The following ITPR1 variants were observed in gnomAD, a reference collection of about 807,000 sequenced individuals.
ITPR1 encodes inositol 1,4,5-trisphosphate receptor type 1.
ITPR1 carries 96 observed loss-of-function variants against 318.4 expected under a neutral mutation model. The observed-to-expected ratio is 0.30, with a 90% CI of 0.26 to 0.36. ITPR1 has a LOEUF of 0.36. ITPR1 is among the 10% of genes least tolerant of loss of function. The probability of loss-of-function intolerance (pLI) is 1.00; values close to 1 mark genes in which losing one functional copy is unlikely to be tolerated. For missense variants in ITPR1, 2,440 were observed against 3,460.2 expected (o/e 0.71, Z 7.40); for synonymous variants, 1,312 against 1,289.9 (o/e 1.02, Z -0.37).
intron 4 of ITPR1, among the ~76,000 whole-genome samples, chr3:4,552,164 C>CA (rs2085634355): frequency 6.6e-6 from 1 of 152,218 alleles, no homozygotes; most frequent in Non-Finnish European, 1.5e-5. Flanking sequence ...ATTTCTGTGA[C>CA]AAACGGGGTG....
intron 2 of ITPR1, among the ~76,000 whole-genome samples, chr3:4,507,918 G>T (rs1232134345): frequency 6.6e-6 from 1 of 152,198 alleles, no homozygotes; most frequent in Non-Finnish European, 1.5e-5. Context: ...ACTGTTTAAG[G>T]AGGTTAAATG....
At chr3:4,757,223 T>C (rs539407603) in intron 44 of ITPR1, among the ~76,000 whole-genome samples, 5 of 152,286 alleles carry the variant, frequency 3.3e-5, no homozygotes, top group African/African-American at 1.2e-4. Context: ...TTGATTGTAA[T>C]CATTGGTTTC....
chr3:4,607,902 G>A (rs942637065), intron 4 of ITPR1, among the ~76,000 whole-genome samples: 19 of 152,062 alleles, frequency 1.2e-4, no homozygotes, highest in African/African-American at 4.3e-4. Context: ...TGTGACTTCC[G>A]GAATAATGGC....
At chr3:4,727,580 G>C (rs1026658063) in intron 42 of ITPR1, among the ~76,000 whole-genome samples, 3 of 152,018 alleles carry the variant, frequency 2.0e-5, no homozygotes, top group Non-Finnish European at 4.4e-5. Flanking sequence ...TTTGTTATTT[G>C]GGGTGGTTTT....
At chr3:4,500,305 C>T (rs1223564094) in intron 2 of ITPR1, among the ~76,000 whole-genome samples, 1 of 152,128 alleles carries the variant, frequency 6.6e-6, no homozygotes, top group African/African-American at 2.4e-5. Flanking sequence ...GCTCAAGCTA[C>T]CCTCTCACCT....
chr3:4,505,610 A>G (rs1306366894), intron 2 of ITPR1, among the ~76,000 whole-genome samples: 4 of 152,252 alleles, frequency 2.6e-5, no homozygotes, highest in African/African-American at 7.2e-5. Flanking sequence ...GGATATGCCA[A>G]GAAAGAATGG....
chr3:4,665,175 G>T lies in ITPR1; in HGVS notation c.1592G>T (p.Gly531Val). Residue 531 changes from glycine (G) to valine (V), a missense_variant, in exon 17 of 62, where the codon GGT becomes GTT. Physicochemically the swap from Gly to Val is moderately radical, Grantham distance 109. Transcript: ENST00000649015. ...KLLQAPFTDC[G>V]DGPMLRLEEL... Reference sequence around the variant, plus strand: ...TTACAAGCCCCATTCACAGACTGCGGTGATGGCCCAATGCTTCGGCTGGAA... The same window carrying T: ...TTACAAGCCCCATTCACAGACTGCGTTGATGGCCCAATGCTTCGGCTGGAA... 6.2e-7 allele frequency: 1 copy of T among 1,614,038 alleles called. No homozygotes were observed. The highest frequency in any genetic ancestry group is 8.5e-7 in the Non-Finnish European group (1 of 1,179,880).
chr3:4,766,891 C>T (rs1490147224), intron 45 of ITPR1, among the ~76,000 whole-genome samples, 181 bp downstream of exon 45: 3 of 152,210 alleles, frequency 2.0e-5, no homozygotes, highest in Non-Finnish European at 2.9e-5. Flanking sequence ...CCCTGCTGCT[C>T]AGAAGGATCT....
intron 53 of ITPR1, among the ~76,000 whole-genome samples, chr3:4,796,786 C>T (rs895458502): frequency 2.0e-5 from 3 of 152,206 alleles, no homozygotes; most frequent in African/African-American, 7.2e-5. Context: ...TGCCAAGCCA[C>T]TCTGGGCAAG....
At chr3:4,712,894 C>T (rs139527540) in intron 39 of ITPR1, among the ~76,000 whole-genome samples, 18 of 152,328 alleles carry the variant, frequency 1.2e-4, no homozygotes, top group Middle Eastern at 3.4e-3. Flanking sequence ...ATGTCCATTA[C>T]ATTTTTTAGA....
chr3:4,694,344 G>A (rs571465004), intron 33 of ITPR1, among the ~76,000 whole-genome samples: 381 of 141,768 alleles, frequency 2.7e-3, no homozygotes, highest in Middle Eastern at 0.011. Context: ...GATATATAAA[G>A]TATATTATAA....
At chr3:4,741,172 A>T (rs541575117) in intron 44 of ITPR1, among the ~76,000 whole-genome samples, 3 of 152,254 alleles carry the variant, frequency 2.0e-5, no homozygotes, top group South Asian at 4.1e-4. Context: ...TGGAATGAAG[A>T]GGAGGACAGG....
chr3:4,782,769 A>T, intron 50 of ITPR1, 28 bp downstream of exon 50: 5 of 1,434,162 alleles, frequency 3.5e-6, no homozygotes, highest in Non-Finnish European at 4.6e-6. Context: ...CCTCCTCTGG[A>T]TGCTGCCTCC....
chr3:4,527,499 G>A (rs576783268), intron 4 of ITPR1, among the ~76,000 whole-genome samples: 9 of 152,234 alleles, frequency 5.9e-5, no homozygotes, highest in African/African-American at 2.2e-4. Flanking sequence ...TTTAGCCATT[G>A]CCCCAACCAG....
At chr3:4,609,193 C>G (rs538470383) in intron 4 of ITPR1, among the ~76,000 whole-genome samples, 2 of 149,550 alleles carry the variant, frequency 1.3e-5, no homozygotes, top group Non-Finnish European at 3.0e-5. Context: ...TTGAGAATCT[C>G]TACTATGATA....
At chr3:4,557,818 G>A (rs542593663) in intron 4 of ITPR1, among the ~76,000 whole-genome samples, 10 of 152,246 alleles carry the variant, frequency 6.6e-5, no homozygotes, top group Non-Finnish European at 1.5e-4. Context: ...AAATGTAAAT[G>A]TAATTAGAGT....
intron 61 of ITPR1, among the ~76,000 whole-genome samples, chr3:4,840,962 T>C (rs1182203495): frequency 6.6e-6 from 1 of 152,252 alleles, no homozygotes; most frequent in Non-Finnish European, 1.5e-5. Flanking sequence ...AAAATTCAGA[T>C]CACATTAGCA....
chr3:4,645,515 G>A (rs747566152), intron 9 of ITPR1, 45 bp downstream of exon 9: 2 of 1,605,294 alleles, frequency 1.2e-6, no homozygotes, highest in East Asian at 4.5e-5. Context: ...GGCTCTTCTT[G>A]GGGGCAGCAG....
intron 4 of ITPR1, among the ~76,000 whole-genome samples, chr3:4,615,836 A>C (rs1436060371): frequency 6.6e-6 from 1 of 152,110 alleles, no homozygotes; most frequent in Non-Finnish European, 1.5e-5. Context: ...TGAGTGGTGG[A>C]CCTGCAAGCA....
Sources: allele counts gnomAD v4.1 joint callset (sites outside exome capture counted in the v4.1 genomes callset), GRCh38; gene constraint gnomAD v4.1.1; transcripts MANE v1.5; gene names NCBI Gene and HGNC (gene_info 2026-07-23, HGNC 2026-07-21).